Variants in PRR16 observed in about 807,000 individuals in gnomAD.
PRR16 encodes proline rich 16.
In PRR16, 6 loss-of-function variants were observed where a neutral mutation model predicts 18.2. That is an observed-to-expected ratio of 0.33 (90% CI 0.18 to 0.65). PRR16 has a LOEUF of 0.65. Among genes scored for constraint, PRR16 ranks in the 30% least tolerant of loss-of-function variants. The pLI is 0.74. For synonymous variants in PRR16, 151 were observed against 147.8 expected, an observed-to-expected ratio of 1.02 and a Z score of -0.16; for missense variants, 412 against 376.6, an observed-to-expected ratio of 1.09 and a Z score of -0.78.
At chr5:120,762,863 C>T in the PRR16 span, among the ~76,000 whole-genome samples, 4 of 152,114 alleles carry the variant, frequency 2.6e-5, no homozygotes, top group Admixed American at 1.3e-4. Flanking sequence ...ATACGAATGT[C>T]GTTATTTTTC....
the PRR16 span, among the ~76,000 whole-genome samples, chr5:120,739,261 T>C: frequency 6.6e-6 from 1 of 152,164 alleles, no homozygotes; most frequent in Non-Finnish European, 1.5e-5. Flanking sequence ...GATATTTAGA[T>C]ACTGTTATAA....
At chr5:120,492,255 AGTGT>A (rs3991307) in intron 1 of PRR16, among the ~76,000 whole-genome samples, 9,164 of 137,942 alleles carry the variant, frequency 0.066, 325 homozygotes, top group Middle Eastern at 0.12. Flanking sequence ...CGCTAATTTG[AGTGT>A]GTGTGTGTGT....
intron 1 of PRR16, among the ~76,000 whole-genome samples, chr5:120,535,864 A>T (rs1164613226): frequency 5.3e-5 from 8 of 152,150 alleles, no homozygotes; most frequent in Non-Finnish European, 8.8e-5. Context: ...GCACTTTGGG[A>T]GGCCGAGACA....
chr5:120,587,397 G>A (rs2112767313), intron 1 of PRR16, among the ~76,000 whole-genome samples: 1 of 152,300 alleles, frequency 6.6e-6, no homozygotes, highest in South Asian at 2.1e-4. Context: ...CATAGCTGGA[G>A]AGAAGTCAGT....
At chr5:120,694,407 G>A in the PRR16 span, among the ~76,000 whole-genome samples, 5 of 152,164 alleles carry the variant, frequency 3.3e-5, no homozygotes, top group Non-Finnish European at 5.9e-5. Context: ...AATTCTGGCC[G>A]GGCGCGGTGG....
intron 1 of PRR16, 76 bp from the exon 2 acceptor site, chr5:120,685,878 T>C: frequency 7.0e-7 from 1 of 1,436,928 alleles, no homozygotes; most frequent in South Asian, 1.3e-5. Context: ...AGATTTCCCC[T>C]AGACAAAAAT....
chr5:120,697,527 A>G, the PRR16 span, among the ~76,000 whole-genome samples: 1 of 152,182 alleles, frequency 6.6e-6, no homozygotes, highest in African/African-American at 2.4e-5. Flanking sequence ...TAGTATGGTT[A>G]TGTTCAGCAT....
chr5:120,751,298 A>G, the PRR16 span, among the ~76,000 whole-genome samples: 2 of 152,160 alleles, frequency 1.3e-5, no homozygotes, highest in African/African-American at 4.8e-5. Context: ...TAGCAAAAGT[A>G]TTGCTGGATT....
At chr5:120,608,544 A>G (rs1754230287) in intron 1 of PRR16, among the ~76,000 whole-genome samples, 1 of 152,210 alleles carries the variant, frequency 6.6e-6, no homozygotes, top group African/African-American at 2.4e-5. Flanking sequence ...AACAGTCCAA[A>G]TGTTGCAACT....
At chr5:120,636,370 CAAACTATACTATGAGGCCATAGTCACCA>C (rs1421968724) in intron 1 of PRR16, among the ~76,000 whole-genome samples, 1 of 152,142 alleles carries the variant, frequency 6.6e-6, no homozygotes, top group Non-Finnish European at 1.5e-5. Context: ...TACCCGACTT[CAAACTATACTATGAGGCCATAGTCACCA>C]AAACAGCATA....
chr5:120,541,480 T>C (rs1180516814), intron 1 of PRR16, among the ~76,000 whole-genome samples: 8 of 152,312 alleles, frequency 5.3e-5, no homozygotes, highest in Non-Finnish European at 7.4e-5. Context: ...ATGTTTTTGC[T>C]TCCCAACTCT....
intron 1 of PRR16, among the ~76,000 whole-genome samples, chr5:120,677,157 A>G (rs1257779614): frequency 6.6e-6 from 1 of 152,164 alleles, no homozygotes; most frequent in Admixed American, 6.5e-5. Flanking sequence ...TGAGGTGCTT[A>G]TTTTCATCCT....
intron 1 of PRR16, among the ~76,000 whole-genome samples, chr5:120,496,791 A>G (rs1750259423): frequency 6.6e-6 from 1 of 151,780 alleles, no homozygotes; most frequent in South Asian, 2.1e-4. Context: ...GTAGATGCTT[A>G]GATTATTGAT....
the PRR16 span, among the ~76,000 whole-genome samples, chr5:120,705,213 T>C: frequency 4.6e-5 from 7 of 152,134 alleles, no homozygotes; most frequent in African/African-American, 1.7e-4. Context: ...ATTATGTATA[T>C]ATAATGTTAT....
the PRR16 span, among the ~76,000 whole-genome samples, chr5:120,755,711 C>T: frequency 9.2e-5 from 14 of 152,124 alleles, no homozygotes; most frequent in Middle Eastern, 3.4e-3. Flanking sequence ...ACATGCCTTT[C>T]TGGTAGAATT....
intron 1 of PRR16, among the ~76,000 whole-genome samples, chr5:120,536,036 A>T (rs1027799963): frequency 2.0e-5 from 3 of 152,212 alleles, no homozygotes; most frequent in Non-Finnish European, 2.9e-5. Context: ...CAATTATCTC[A>T]TGTTTAGTCA....
rs944534709 is a variant in PRR16, at chr5:120,686,527, C to G, written c.733C>G (p.Pro245Ala). The G allele has an allele frequency of 6.2e-7, 1 of 1,613,862 alleles. No individual in the cohort carries two copies. The highest frequency in any genetic ancestry group is 8.5e-7 in the Non-Finnish European group (1 of 1,179,894). The change falls in exon 2 of 2, where the codon CCT becomes GCT. Residue 245 changes from proline to alanine, a missense_variant. Transcript: ENST00000407149. ...SEPVHPPGKI[P>A]HQGPPLPPTP... The stretch of plus-strand genomic sequence containing the variant: ...ACCTGTCCACCCACCGGGAAAGATT[C>G]CTCACCAAGGCCCTCCCCTCCCTCC...
chr5:120,539,383 A>G (rs1298259687), intron 1 of PRR16, among the ~76,000 whole-genome samples: 1 of 151,870 alleles, frequency 6.6e-6, no homozygotes, highest in Non-Finnish European at 1.5e-5. Flanking sequence ...GCCAAGAAGT[A>G]ATGCCCATAG....
intron 1 of PRR16, among the ~76,000 whole-genome samples, chr5:120,676,275 G>A (rs191553444): frequency 6.6e-6 from 1 of 152,234 alleles, no homozygotes; most frequent in Non-Finnish European, 1.5e-5. Context: ...CTGGTGAGAT[G>A]TAAGCAAATA....
Sources: allele counts gnomAD v4.1 joint callset (sites outside exome capture counted in the v4.1 genomes callset), GRCh38; gene constraint gnomAD v4.1.1; transcripts MANE v1.5; gene names NCBI Gene and HGNC (gene_info 2026-07-23, HGNC 2026-07-21).